PSD2: variants seen among roughly 807,000 people sequenced by gnomAD.
The protein encoded by PSD2 is PH and SEC7 domain-containing protein 2.
PSD2 carries 38 observed loss-of-function variants against 69.8 expected under a neutral mutation model. That is an observed-to-expected ratio of 0.54 (90% confidence interval 0.42 to 0.71). The LOEUF (loss-of-function observed/expected upper bound fraction) is 0.71. Ranked by LOEUF, PSD2 falls within the 30% of genes least tolerant of loss-of-function variation. The probability of loss-of-function intolerance (pLI) is 0.00; values close to 1 mark genes in which losing one functional copy is unlikely to be tolerated. For missense variants in PSD2, 943 were observed against 1,014.5 expected, an observed-to-expected ratio of 0.93 and a Z score of 0.96; for synonymous variants, 412 against 423.0, an observed-to-expected ratio of 0.97 and a Z score of 0.32.
At chr5:139,750,855 A>G in the PSD2 span, among the ~76,000 whole-genome samples, 1 of 152,160 alleles carries the variant, frequency 6.6e-6, no homozygotes, top group Non-Finnish European at 1.5e-5. Context: ...GGCCTGGGGC[A>G]ACTTCCAGGG....
the PSD2 span, among the ~76,000 whole-genome samples, chr5:139,757,955 A>G: frequency 3.8e-3 from 573 of 152,254 alleles, 7 homozygotes; most frequent in African/African-American, 0.012. Flanking sequence ...GTGGGAGGAT[A>G]GATTAAGCCC....
At chr5:139,812,163 G>A (rs954074969) in intron 2 of PSD2, among the ~76,000 whole-genome samples, 2 of 152,120 alleles carry the variant, frequency 1.3e-5, no homozygotes, top group African/African-American at 2.4e-5. Flanking sequence ...TGGGGAGACC[G>A]ACGATAAATA....
chr5:139,826,870 C>T (rs1354594153), intron 7 of PSD2, among the ~76,000 whole-genome samples: 8 of 152,204 alleles, frequency 5.3e-5, no homozygotes, highest in Admixed American at 5.2e-4. Flanking sequence ...CAATTCCAGG[C>T]CTCACAGCCA....
the PSD2 span, among the ~76,000 whole-genome samples, chr5:139,758,931 G>A: frequency 6.6e-6 from 1 of 152,168 alleles, no homozygotes; most frequent in South Asian, 2.1e-4. Context: ...CCTTCTTGCC[G>A]CTGGGAGGTT....
In PSD2 at chr5:139,814,439, CCTT is replaced by C. The variant is rs1260857008; in HGVS notation, c.1016+80_1016+82del. 7.3e-5 allele frequency: 102 copies of C among 1,395,032 alleles called. 1 individual carries two copies. In the East Asian group the frequency reaches 2.7e-3, roughly 37 times the overall value. The allele number at this position is 1,395,032 out of a possible 1,614,324, so 86.4% of individuals were successfully genotyped here. A position where few individuals can be genotyped will look rare whatever the true frequency, so the allele number is the denominator to read the frequency against. The stretch of plus-strand genomic sequence containing the variant: ...CTCAACCTGAAGAGGGTGTGGGTGA[CCTT>C]CTTCAGGGGTGCCAGGTGCTGGGGG... On this transcript the variant is annotated intron_variant, in intron 4 of 14. Transcript: ENST00000274710. The surrounding 1 kb of genome is among the most constrained non-coding windows in gnomAD (Gnocchi z 4.4).
the PSD2 span, among the ~76,000 whole-genome samples, chr5:139,766,948 T>TCTTTCTTTCTTTCTTTCTTC: frequency 1.6e-3 from 206 of 126,432 alleles, 5 homozygotes; most frequent in Non-Finnish European, 2.8e-3. Context: ...TTTCTTTCTT[T>TCTTTCTTTCTTTCTTTCTTC]CTTTCTTTCT....
chr5:139,759,183 G>A, the PSD2 span, among the ~76,000 whole-genome samples: 1 of 152,094 alleles, frequency 6.6e-6, no homozygotes, highest in Non-Finnish European at 1.5e-5. Context: ...GGGAGTTCCT[G>A]CCTGTCTGGA....
At chr5:139,799,452 G>A (rs1275610127) in intron 1 of PSD2, among the ~76,000 whole-genome samples, 1 of 152,202 alleles carries the variant, frequency 6.6e-6, no homozygotes, top group Non-Finnish European at 1.5e-5. Context: ...AGGGGAGAGG[G>A]CATGGGGGCC....
In PSD2 at chr5:139,839,967, T is replaced by C. The variant is rs1231057622; in HGVS notation, c.1969-60T>C. ...GGAGCAGCTCCTGGTAGAACAGGATTTGAGCCACTCCGTGACATCCTGAGA... is the reference window on the plus strand; with the variant it reads ...GGAGCAGCTCCTGGTAGAACAGGATCTGAGCCACTCCGTGACATCCTGAGA... On this transcript the variant is annotated intron_variant, in intron 13 of 14. Coordinates refer to ENST00000274710, the MANE Select transcript of PSD2 (RefSeq NM_032289.4). This position sits in a 1 kb window ranked among gnomAD's most constrained non-coding sequence, Gnocchi z 5.1. 34 of 1,590,580 alleles carry C rather than the reference T, an allele frequency of 2.1e-5. No individual in the cohort carries two copies. Among genetic ancestry groups the C allele is most frequent in the Non-Finnish European group, 2.8e-5 (32 of 1,162,494 alleles).
At chr5:139,785,750 TGAAG>T in the PSD2 span, among the ~76,000 whole-genome samples, 22 of 152,148 alleles carry the variant, frequency 1.4e-4, no homozygotes, top group African/African-American at 4.6e-4. Flanking sequence ...AATGAATCAG[TGAAG>T]GAAGGAAGTA....
At chr5:139,777,680 T>A in the PSD2 span, among the ~76,000 whole-genome samples, 1 of 152,138 alleles carries the variant, frequency 6.6e-6, no homozygotes, top group African/African-American at 2.4e-5. Flanking sequence ...GCTCTGGAGT[T>A]CGAGATGAGC....
rs535454877 is a variant in PSD2 at position 139,824,667 on chromosome 5, C to G, written c.1269+1883C>G. 2.3e-3 allele frequency among the ~76,000 whole-genome samples: 354 copies of G among 152,298 alleles called. 1 individual carries two copies. The highest frequency in any genetic ancestry group is 8.1e-3 in the African/African-American group (336 of 41,562). The stretch of plus-strand genomic sequence containing the variant: ...TGTTCTCTGTTGCTCCACACGAAGG[C>G]TGTGTGGCCTGAGACAAGTTATTTA... On this transcript the variant is annotated intron_variant, in intron 7 of 14. Transcript: ENST00000274710.
At chr5:139,834,879 C>A (rs1340699152) in intron 8 of PSD2, among the ~76,000 whole-genome samples, 1 of 151,980 alleles carries the variant, frequency 6.6e-6, no homozygotes, top group Non-Finnish European at 1.5e-5. Flanking sequence ...TCCTCCCATG[C>A]ATCCACCCAG....
At chr5:139,809,287 C>T (rs1759888941) in intron 1 of PSD2, 104 bp from the exon 2 acceptor site, 2 of 884,982 alleles carry the variant, frequency 2.3e-6, no homozygotes, top group South Asian at 1.8e-5. Flanking sequence ...TTGGCCATCT[C>T]CCACTCTCAG....
chr5:139,764,295 C>T, the PSD2 span, among the ~76,000 whole-genome samples: 3 of 152,198 alleles, frequency 2.0e-5, no homozygotes, highest in Non-Finnish European at 4.4e-5. Context: ...GGCACTGAGA[C>T]CGTAAGCAAA....
At chr5:139,778,222 T>C in the PSD2 span, among the ~76,000 whole-genome samples, 4 of 152,132 alleles carry the variant, frequency 2.6e-5, no homozygotes, top group African/African-American at 9.7e-5. Context: ...GCACACAAGA[T>C]GTACAAGGCA....
At chr5:139,784,301 C>T in the PSD2 span, among the ~76,000 whole-genome samples, 2 of 151,998 alleles carry the variant, frequency 1.3e-5, no homozygotes, top group Non-Finnish European at 2.9e-5. Context: ...ACACGGCCCT[C>T]CCCGACTCCT....
intron 7 of PSD2, among the ~76,000 whole-genome samples, chr5:139,833,112 C>CGA (rs1196845093): frequency 2.6e-5 from 4 of 152,076 alleles, no homozygotes; most frequent in Non-Finnish European, 4.4e-5. Context: ...GGTGAGAGGG[C>CGA]GAGACAGTTG....
In PSD2 at chr5:139,838,586, C is replaced by T. The variant is rs200838863; in HGVS notation, c.1824-42C>T. 1.1e-4 allele frequency: 180 copies of T among 1,596,314 alleles called. 1 individual carries two copies. Among genetic ancestry groups the T allele is most frequent in the Middle Eastern group, 1.7e-4 (1 of 5,942 alleles). On this transcript the variant is annotated intron_variant, in intron 12 of 14. Coordinates refer to ENST00000274710, the MANE Select transcript of PSD2 (RefSeq NM_032289.4). ...GGATGCTGAGTAGGGGACAGGGAGT[C>T]CTGTGTGAGAGGCCGGCACCCTCTC...
Sources: gnomAD v4.1 joint callset for allele counts (sites outside exome capture counted in the v4.1 genomes callset) on GRCh38, gnomAD v4.1.1 for gene constraint, Gnocchi (gnomAD v3.1) non-coding constraint, MANE v1.5 for transcripts, NCBI Gene and HGNC (gene_info 2026-07-23, HGNC 2026-07-21) for gene names.